The following C11orf65 variants were observed in gnomAD, a reference collection of about 807,000 sequenced individuals.
C11orf65 encodes protein MFI.
A neutral mutation model predicts 35.3 loss-of-function variants in C11orf65; 38 were observed. The observed-to-expected ratio is 1.08, with a 90% CI of 0.83 to 1.41. The LOEUF (loss-of-function observed/expected upper bound fraction) is 1.41. Among genes scored for constraint, C11orf65 ranks in the 40% most tolerant of loss-of-function variants. The pLI, the probability that C11orf65 is intolerant of heterozygous loss-of-function variation, is 0.00. For synonymous variants in C11orf65, 105 were observed against 114.4 expected, an observed-to-expected ratio of 0.92 and a Z score of 0.53; for missense variants, 370 against 367.1, an observed-to-expected ratio of 1.01 and a Z score of -0.06.
At chr11:108,310,425 T>C (rs1359001654) in intron 6 of C11orf65, 4 of 1,037,334 alleles carry the variant, frequency 3.9e-6, no homozygotes, top group Non-Finnish European at 5.5e-6. Context: ...AAAGATATTT[T>C]AGATAGAAAT....
chr11:108,465,232 A>C (rs2093520596), intron 1 of C11orf65, among the ~76,000 whole-genome samples: 1 of 152,146 alleles, frequency 6.6e-6, no homozygotes, highest in Non-Finnish European at 1.5e-5. Context: ...GATCTAAATA[A>C]TTTTACACGG....
intron 6 of C11orf65, among the ~76,000 whole-genome samples, chr11:108,309,756 CAA>C (rs1212839994): frequency 1.3e-5 from 2 of 152,032 alleles, no homozygotes; most frequent in Non-Finnish European, 2.9e-5. Flanking sequence ...TTAGATGAAA[CAA>C]TATTTTTTAT....
chr11:108,410,501 G>A (rs772270127), intron 3 of C11orf65, among the ~76,000 whole-genome samples: 1 of 151,998 alleles, frequency 6.6e-6, no homozygotes, highest in African/African-American at 2.4e-5. Flanking sequence ...CTAAAGGCAC[G>A]CACCATCGTG....
Position 108,326,245 on chromosome 11 carries a change from T to C in C11orf65, c.641-17174A>G, listed in dbSNP as rs781322757. The C allele has an allele frequency of 1.9e-6, 3 of 1,613,994 alleles. No individual in the cohort carries two copies. The highest frequency in any genetic ancestry group is 2.5e-6 in the Non-Finnish European group (3 of 1,179,940). The stretch of plus-strand genomic sequence containing the variant: ...GCAGCGGTTTGTTTTTTTTATTGGC[T>C]GGATTAGTGTTTTACTGTTATTTAA... On this transcript the variant is annotated intron_variant, in intron 6 of 6. Transcript: ENST00000525729.
intron 2 of C11orf65, among the ~76,000 whole-genome samples, chr11:108,454,176 T>A (rs564291575): frequency 2.6e-5 from 4 of 152,300 alleles, no homozygotes; most frequent in African/African-American, 9.6e-5. Context: ...ATTTGCCCAT[T>A]TCTTCTAAGT....
chr11:108,327,580 T>C (rs1390042343), downstream of C11orf65: 7 of 1,336,402 alleles, frequency 5.2e-6, no homozygotes, highest in Non-Finnish European at 7.5e-6. Flanking sequence ...TCCCCGTACA[T>C]GAAGGGCAGT....
chr11:108,329,271 T>C (rs367867262), downstream of C11orf65: 2 of 1,559,650 alleles, frequency 1.3e-6, no homozygotes, highest in East Asian at 2.3e-5. Flanking sequence ...CAATTTTATG[T>C]TCACCAGTTA....
chr11:108,435,571 C>T (rs1363294184), intron 2 of C11orf65, among the ~76,000 whole-genome samples: 1 of 152,088 alleles, frequency 6.6e-6, no homozygotes, highest in Non-Finnish European at 1.5e-5. Context: ...TCCCTTCCTC[C>T]ACCCCTGAGC....
intron 2 of C11orf65, among the ~76,000 whole-genome samples, chr11:108,362,500 G>A (rs1004864526): frequency 6.0e-5 from 9 of 149,328 alleles, no homozygotes; most frequent in African/African-American, 1.7e-4. Context: ...ACATGCACAC[G>A]TATGTTTATT....
At chr11:108,379,610 AAAACTT>A (rs2091820469), downstream of C11orf65, among the ~76,000 whole-genome samples, 1 of 151,996 alleles carries the variant, frequency 6.6e-6, no homozygotes, top group Non-Finnish European at 1.5e-5. Context: ...CATGTACCCT[AAAACTT>A]AAAGTATAAT....
chr11:108,328,889 A>G (rs2085958738), downstream of C11orf65: 2 of 1,023,670 alleles, frequency 2.0e-6, no homozygotes, highest in Non-Finnish European at 2.9e-6. Context: ...CAAGTTTGCA[A>G]TAGTTCATAT....
intron 3 of C11orf65, among the ~76,000 whole-genome samples, chr11:108,428,408 A>T (rs2092938414): frequency 6.6e-6 from 1 of 152,208 alleles, no homozygotes; most frequent in African/African-American, 2.4e-5. Flanking sequence ...CTTGGAACCA[A>T]CCCAAACGCC....
chr11:108,369,559 T>TA (rs1029248792), intron 2 of C11orf65, among the ~76,000 whole-genome samples: 4 of 152,218 alleles, frequency 2.6e-5, no homozygotes, highest in African/African-American at 9.6e-5. Flanking sequence ...TTTGCATAAA[T>TA]ATAGTGGAGT....
downstream of C11orf65, chr11:108,329,005 T>G: frequency 6.2e-7 from 1 of 1,603,052 alleles, no homozygotes; most frequent in Non-Finnish European, 8.5e-7. Context: ...TTTAAATTGG[T>G]TGTGTTTTCT....
intron 2 of C11orf65, among the ~76,000 whole-genome samples, chr11:108,456,207 T>C (rs571613181): frequency 7.2e-5 from 11 of 152,134 alleles, no homozygotes; most frequent in Non-Finnish European, 1.5e-4. Context: ...ATAGACACTA[T>C]AGAAACACTT....
intron 2 of C11orf65, among the ~76,000 whole-genome samples, chr11:108,442,991 G>A (rs578103723): frequency 6.6e-6 from 1 of 152,120 alleles, no homozygotes; most frequent in African/African-American, 2.4e-5. Flanking sequence ...ATGTAAATGG[G>A]CTAAATGCTC....
chr11:108,423,284 G>T (rs979310928), intron 3 of C11orf65, among the ~76,000 whole-genome samples: 9 of 152,156 alleles, frequency 5.9e-5, no homozygotes, highest in African/African-American at 2.2e-4. Flanking sequence ...AAGTGGTCTA[G>T]CTCAGCGGAT....
At chr11:108,325,591 T>A in intron 6 of C11orf65, 1 of 1,480,574 alleles carries the variant, frequency 6.8e-7, no homozygotes, top group Non-Finnish European at 9.3e-7. Flanking sequence ...GACTTTCCTT[T>A]TATTATTTAA....
chr11:108,467,531 T>C (rs931795917), upstream of C11orf65: 1 of 152,312 alleles, frequency 6.6e-6, no homozygotes, highest in Non-Finnish European at 1.5e-5. Context: ...GGAAATGACG[T>C]AACTCAATCC....
Sources: allele counts gnomAD v4.1 joint callset (sites outside exome capture counted in the v4.1 genomes callset), GRCh38; gene constraint gnomAD v4.1.1; transcripts MANE v1.5; gene names NCBI Gene and HGNC (gene_info 2026-07-23, HGNC 2026-07-21).